AP4S1: variants seen among roughly 807,000 people sequenced by gnomAD.
AP4S1 encodes the protein AP-4 complex subunit sigma-1.
A neutral mutation model predicts 19.8 loss-of-function variants in AP4S1; 23 were observed. That is an observed-to-expected ratio of 1.16 (90% CI 0.84 to 1.65). AP4S1 has a LOEUF of 1.65. Among genes scored for constraint, AP4S1 ranks in the 40% most tolerant of loss-of-function variants. The pLI is 0.00. For synonymous variants in AP4S1, 46 were observed against 54.1 expected (o/e 0.85, Z 0.66); for missense variants, 166 against 172.8 (o/e 0.96, Z 0.22).
intron 1 of AP4S1, among the ~76,000 whole-genome samples, chr14:31,057,454 C>T (rs1358927496): frequency 6.6e-6 from 1 of 152,184 alleles, no homozygotes; most frequent in Admixed American, 6.6e-5. Context: ...CTAGGTCTAA[C>T]TCCCAGAAAT....
At chr14:31,059,072 A>G (rs1886289712) in intron 1 of AP4S1, among the ~76,000 whole-genome samples, 1 of 152,138 alleles carries the variant, frequency 6.6e-6, no homozygotes, top group African/African-American at 2.4e-5. Context: ...TCAGATGTGT[A>G]CTTGTCTCTT....
intron 5 of AP4S1, among the ~76,000 whole-genome samples, chr14:31,092,344 A>G (rs1040338211): frequency 6.6e-6 from 1 of 152,226 alleles, no homozygotes; most frequent in East Asian, 1.9e-4. Flanking sequence ...TGAGGAGCCT[A>G]TAAGCAGAGC....
At chr14:31,077,110 A>G in intron 4 of AP4S1, among the ~76,000 whole-genome samples, 1 of 151,974 alleles carries the variant, frequency 6.6e-6, no homozygotes, top group East Asian at 1.9e-4. Flanking sequence ...TTGTATTATT[A>G]GTAGAGACAG....
chr14:31,092,965 G>C lies in AP4S1; in HGVS notation c.365G>C (p.Cys122Ser), dbSNP rs1888116241. Residue 122 changes from cysteine to serine, a missense_variant, in exon 6 of 6, where the codon TGC (cysteine) becomes TCC (serine). Cys to Ser is a moderately radical substitution (Grantham distance 112, BLOSUM62 -1). Transcript: ENST00000542754. ...TTGGATGAGATGGTGTTAAATGGCTGCATTGTGGAAACTAACAGGGCAAGA... is the reference window on the plus strand; with the variant it reads ...TTGGATGAGATGGTGTTAAATGGCTCCATTGTGGAAACTAACAGGGCAAGA... ...IILDEMVLNG[C>S]IVETNRARIL... is the part of the protein sequence containing the mutation. 2 of 1,548,284 alleles carry C rather than the reference G, an allele frequency of 1.3e-6. No individual in the cohort carries two copies. Among genetic ancestry groups the C allele is most frequent in the Non-Finnish European group, 8.7e-7 (1 of 1,145,774 alleles).
At position 31,034,783 on chromosome 14, in the gene AP4S1, A is replaced by G. The variant is rs929001394; in HGVS notation, c.-72+8996A>G. Reference sequence around the variant, plus strand: ...CAGGCACCCGCCACCACGACCAGCTAAATTTTTTTTTTTTTGTATTTTTAG... The same window carrying G: ...CAGGCACCCGCCACCACGACCAGCTGAATTTTTTTTTTTTTGTATTTTTAG... On this transcript the variant is annotated intron_variant, in intron 1 of 5. Transcript: ENST00000542754. Among the ~76,000 whole-genome samples, 14 of 150,486 alleles carry G rather than the reference A, an allele frequency of 9.3e-5. No homozygotes were observed. In the East Asian group the frequency reaches 2.7e-3, roughly 29 times the overall value.
At chr14:31,047,654 C>G (rs529372212) in intron 1 of AP4S1, among the ~76,000 whole-genome samples, 97 of 152,190 alleles carry the variant, frequency 6.4e-4, no homozygotes, top group African/African-American at 2.1e-3. Flanking sequence ...CTCAGCCTCC[C>G]AAAGCGCTGG....
In AP4S1 at chr14:31,093,089, A is replaced by G; in HGVS notation, c.*54A>G. The G allele has an allele frequency of 6.6e-7, 1 of 1,518,806 alleles. No homozygotes were observed. The highest frequency in any genetic ancestry group is 8.8e-7 in the Non-Finnish European group (1 of 1,131,358). 94.1% of individuals were successfully genotyped at this position (1,518,806 alleles called of 1,614,324 possible). On this transcript the variant is annotated 3_prime_UTR_variant, in exon 6 of 6. Transcript: ENST00000542754. ...TTATCAGAAATGCGAGTACCGTGGAATACATCTCAACATGTTAACCCAGAA... is the reference window on the plus strand; with the variant it reads ...TTATCAGAAATGCGAGTACCGTGGAGTACATCTCAACATGTTAACCCAGAA...
intron 5 of AP4S1, chr14:31,083,754 C>T (rs1432598808): frequency 8.9e-6 from 3 of 336,666 alleles, no homozygotes; most frequent in Admixed American, 3.9e-5. Context: ...AAGCAAGCCT[C>T]CTGCCTTGGC....
Position 31,095,785 on chromosome 14 carries a change from G to T in AP4S1, c.*2750G>T, listed in dbSNP as rs1220487545. On this transcript the variant is annotated 3_prime_UTR_variant, in exon 6 of 6. Coordinates refer to ENST00000542754, the MANE Select transcript of AP4S1 (RefSeq NM_001128126.3). ...TACTGTTAATGAAATTTAGTTCAAAGTTTAAAAGTAGAATGCAGCCAGGCA... is the reference window on the plus strand; with the variant it reads ...TACTGTTAATGAAATTTAGTTCAAATTTTAAAAGTAGAATGCAGCCAGGCA... The T allele has an allele frequency of 6.6e-6, 1 of 152,116 alleles. No homozygotes were observed. The highest frequency in any genetic ancestry group is 1.5e-5 in the Non-Finnish European group (1 of 68,002). The allele number at this position is 152,116 out of a possible 1,614,324, so 9.4% of individuals were successfully genotyped here.
chr14:31,040,560 A>G (rs1360907758), intron 1 of AP4S1, among the ~76,000 whole-genome samples: 3 of 152,206 alleles, frequency 2.0e-5, no homozygotes, highest in African/African-American at 7.2e-5. Flanking sequence ...CTGTTAGGTG[A>G]TCACTGCCCA....
chr14:31,081,208 A>C (rs569733239), intron 5 of AP4S1, among the ~76,000 whole-genome samples: 1 of 152,344 alleles, frequency 6.6e-6, no homozygotes, highest in Non-Finnish European at 1.5e-5. Flanking sequence ...TTCAAAATTT[A>C]AATAACACAG....
At chr14:31,056,343 A>G (rs1190018876) in intron 1 of AP4S1, among the ~76,000 whole-genome samples, 3 of 150,704 alleles carry the variant, frequency 2.0e-5, no homozygotes, top group Non-Finnish European at 3.0e-5. Flanking sequence ...TACATACCAT[A>G]CTTGTTTTTT....
At chr14:31,070,835 G>A (rs1886959680) in intron 3 of AP4S1, among the ~76,000 whole-genome samples, 1 of 152,172 alleles carries the variant, frequency 6.6e-6, no homozygotes, top group South Asian at 2.1e-4. Flanking sequence ...GGCAGATCAT[G>A]AGGTCAGGAG....
intron 3 of AP4S1, among the ~76,000 whole-genome samples, chr14:31,071,640 G>A (rs769120422): frequency 6.6e-6 from 1 of 151,910 alleles, no homozygotes; most frequent in African/African-American, 2.4e-5. Flanking sequence ...GGATGGTCTC[G>A]ATCTCCTGAC....
chr14:31,085,183 A>C, intron 5 of AP4S1: 3 of 1,163,320 alleles, frequency 2.6e-6, no homozygotes, highest in Non-Finnish European at 3.2e-6. Context: ...ACCAGCCCTC[A>C]CTATCTACTG....
At chr14:31,036,189 AAT>A (rs1491417547) in intron 1 of AP4S1, among the ~76,000 whole-genome samples, 11 of 144,304 alleles carry the variant, frequency 7.6e-5, no homozygotes, top group African/African-American at 2.4e-4. Flanking sequence ...AAAAGAAAAA[AAT>A]AATAATTTAA....
chr14:31,069,972 T>C, intron 3 of AP4S1, 43 bp downstream of exon 3: 3 of 1,460,764 alleles, frequency 2.1e-6, no homozygotes, highest in Non-Finnish European at 2.9e-6. Context: ...AGAATTTCTT[T>C]CTACTTGCCT....
chr14:31,084,620 TGC>T (rs1264201803), intron 5 of AP4S1: 2 of 1,320,478 alleles, frequency 1.5e-6, no homozygotes, highest in African/African-American at 2.9e-5. Flanking sequence ...TACACTCCTG[TGC>T]ACTCTTCAGT....
chr14:31,030,951 G>T (rs148377230), intron 1 of AP4S1, among the ~76,000 whole-genome samples: 1 of 152,226 alleles, frequency 6.6e-6, no homozygotes, highest in Non-Finnish European at 1.5e-5. Context: ...GATATGGTTT[G>T]GCTCTGTGTT....
Sources: gnomAD v4.1 joint callset for allele counts (sites outside exome capture counted in the v4.1 genomes callset) on GRCh38, gnomAD v4.1.1 for gene constraint, MANE v1.5 for transcripts, NCBI Gene and HGNC (gene_info 2026-07-23, HGNC 2026-07-21) for gene names.